PTPRR: variants seen among roughly 807,000 people sequenced by gnomAD.
The protein encoded by PTPRR is protein tyrosine phosphatase receptor type R, also known as receptor-type tyrosine-protein phosphatase R.
In PTPRR, 38 loss-of-function variants were observed where a neutral mutation model predicts 77.2. That is an observed-to-expected ratio of 0.49 (90% CI 0.38 to 0.65). The LOEUF (loss-of-function observed/expected upper bound fraction) is 0.65, where lower values mean the gene tolerates loss of function less well. Among genes scored for constraint, PTPRR ranks in the 30% least tolerant of loss-of-function variants. The pLI is 0.00. For synonymous variants in PTPRR, 299 were observed against 283.1 expected, an observed-to-expected ratio of 1.06 and a Z score of -0.57; for missense variants, 744 against 799.2, an observed-to-expected ratio of 0.93 and a Z score of 0.83.
At position 70,647,573 on chromosome 12, in the gene PTPRR, A is replaced by C. The variant is rs1371728146; in HGVS notation, c.1881-8296T>G. ...GCCTAAATGAATCTTTTTTAGCAAG[A>C]GCTACATGCAGCGAAGCTGGTTGGC... is the stretch of plus-strand genomic sequence containing the variant. On this transcript the variant is annotated intron_variant, in intron 13 of 13. Coordinates refer to ENST00000283228, the MANE Select transcript of PTPRR (RefSeq NM_002849.4). Among the ~76,000 whole-genome samples, 5 of 152,376 alleles carry C rather than the reference A, an allele frequency of 3.3e-5. No homozygotes were observed. In the East Asian group the frequency reaches 9.6e-4, roughly 29 times the overall value.
At chr12:70,821,841 T>G (rs1892020202) in intron 2 of PTPRR, among the ~76,000 whole-genome samples, 1 of 151,790 alleles carries the variant, frequency 6.6e-6, no homozygotes, top group Non-Finnish European at 1.5e-5. Flanking sequence ...ATTTTTTGTA[T>G]TTTTAGTACA....
chr12:70,675,061 T>C (rs1887393074), intron 10 of PTPRR, among the ~76,000 whole-genome samples: 1 of 152,130 alleles, frequency 6.6e-6, no homozygotes, highest in Non-Finnish European at 1.5e-5. Context: ...TCTTTATCTC[T>C]GGTAACCTCT....
intron 2 of PTPRR, among the ~76,000 whole-genome samples, chr12:70,884,378 CAAAG>C (rs1378697980): frequency 2.0e-5 from 3 of 151,626 alleles, no homozygotes; most frequent in Non-Finnish European, 2.9e-5. Context: ...GATAAATAGA[CAAAG>C]AAGGAAAGAA....
chr12:70,855,110 T>G (rs1366666431), intron 2 of PTPRR, among the ~76,000 whole-genome samples: 1 of 152,174 alleles, frequency 6.6e-6, no homozygotes, highest in Non-Finnish European at 1.5e-5. Context: ...TGCTGCTGAA[T>G]TTAGTCTGGT....
At chr12:70,856,977 T>C (rs550499198) in intron 2 of PTPRR, among the ~76,000 whole-genome samples, 1 of 152,202 alleles carries the variant, frequency 6.6e-6, no homozygotes, top group South Asian at 2.1e-4. Context: ...TATGTGTGAT[T>C]TGATTTTTAA....
At chr12:70,815,055 A>T (rs1193333320) in intron 2 of PTPRR, among the ~76,000 whole-genome samples, 1 of 151,864 alleles carries the variant, frequency 6.6e-6, no homozygotes, top group African/African-American at 2.4e-5. Flanking sequence ...TAAGGGCATT[A>T]AAACAGTAAT....
chr12:70,908,489 A>AG (rs536647003), intron 1 of PTPRR, among the ~76,000 whole-genome samples: 24 of 152,154 alleles, frequency 1.6e-4, no homozygotes, highest in South Asian at 1.5e-3. Flanking sequence ...TGCCCAGAGA[A>AG]GGGGGGAAGT....
At chr12:70,692,923 A>G (rs911180494) in intron 8 of PTPRR, among the ~76,000 whole-genome samples, 7 of 152,112 alleles carry the variant, frequency 4.6e-5, no homozygotes, top group African/African-American at 1.7e-4. Flanking sequence ...TCACTTTTGT[A>G]TCCTTTGTGA....
At chr12:70,672,216 C>G in intron 10 of PTPRR, 3 of 1,580,816 alleles carry the variant, frequency 1.9e-6, no homozygotes, top group Non-Finnish European at 2.6e-6. Flanking sequence ...ACCTCCCTGG[C>G]TCCAGCCACA....
Position 70,808,174 on chromosome 12 carries a change from C to T in PTPRR, c.358-43396G>A, listed in dbSNP as rs1351887517. ...CACACCCTACTCTCCTGCAGCACCC[C>T]CAGGCTTGCTAGGATTAGGAAATTC... On this transcript the variant is annotated intron_variant, in intron 2 of 13. Coordinates refer to ENST00000283228, the MANE Select transcript of PTPRR (RefSeq NM_002849.4). 2.6e-5 allele frequency among the ~76,000 whole-genome samples: 4 copies of T among 152,088 alleles called. No individual in the cohort carries two copies. In the East Asian group the frequency reaches 5.8e-4, roughly 22 times the overall value.
chr12:70,656,670 CAG>C, intron 13 of PTPRR, 32 bp downstream of exon 13: 4 of 1,449,588 alleles, frequency 2.8e-6, no homozygotes, highest in Non-Finnish European at 3.9e-6. Flanking sequence ...TGAATGAAAA[CAG>C]TGCTCTGAAG....
At chr12:70,897,499 G>T (rs1335853667) in intron 1 of PTPRR, among the ~76,000 whole-genome samples, 1 of 151,686 alleles carries the variant, frequency 6.6e-6, no homozygotes, top group Non-Finnish European at 1.5e-5. Context: ...AAAAAGTCAG[G>T]AAACAACAGG....
intron 13 of PTPRR, chr12:70,639,554 T>C (rs1485036787): frequency 2.0e-5 from 23 of 1,123,402 alleles, no homozygotes; most frequent in East Asian, 5.5e-5. Context: ...TACAGCCTAA[T>C]GATCAAGTAC....
chr12:70,716,096 C>T lies in PTPRR; in HGVS notation c.1008-14773G>A, dbSNP rs1009047502. Among the ~76,000 whole-genome samples, 161 of 152,140 alleles carry T rather than the reference C, an allele frequency of 1.1e-3. 2 individuals carry two copies. The highest frequency in any genetic ancestry group is 1.8e-4 in the Non-Finnish European group (12 of 68,032). ...CAGGTTCTTCTGCCAAGGCTTCAGC[C>T]GGTCCCTCCGTTTGGGGTCCCTGAC... On this transcript the variant is annotated intron_variant, in intron 6 of 13. Coordinates refer to ENST00000283228, the MANE Select transcript of PTPRR (RefSeq NM_002849.4).
chr12:70,728,484 A>G (rs2136872821), intron 6 of PTPRR, among the ~76,000 whole-genome samples: 1 of 12,648 alleles, frequency 7.9e-5, no homozygotes, highest in Admixed American at 1.4e-3. Context: ...ATATATATAT[A>G]TATATATATG....
At chr12:70,892,627 T>C in intron 2 of PTPRR, 52 bp downstream of exon 2, 2 of 1,587,048 alleles carry the variant, frequency 1.3e-6, no homozygotes, top group South Asian at 2.3e-5. Context: ...CAAGCATCAA[T>C]GACAGGAAAG....
chr12:70,737,281 C>T (rs919145415), intron 6 of PTPRR, among the ~76,000 whole-genome samples: 4 of 152,052 alleles, frequency 2.6e-5, no homozygotes, highest in African/African-American at 9.7e-5. Context: ...TGCTTGTCCT[C>T]TTCTCTGTTC....
chr12:70,642,228 G>A (rs1886030601), intron 13 of PTPRR, among the ~76,000 whole-genome samples: 1 of 152,102 alleles, frequency 6.6e-6, no homozygotes, highest in Non-Finnish European at 1.5e-5. Context: ...TAAATAAAAA[G>A]TCAACAAGAC....
chr12:70,731,318 A>G (rs1291090213), intron 6 of PTPRR, among the ~76,000 whole-genome samples: 2 of 152,184 alleles, frequency 1.3e-5, no homozygotes, highest in East Asian at 3.9e-4. Context: ...TTAAACATGT[A>G]CAAATAGGAA....
Sources: gnomAD v4.1 joint callset for allele counts (sites outside exome capture counted in the v4.1 genomes callset) on GRCh38, gnomAD v4.1.1 for gene constraint, MANE v1.5 for transcripts, NCBI Gene and HGNC (gene_info 2026-07-23, HGNC 2026-07-21) for gene names.